SNTG1: variants seen among roughly 807,000 people sequenced by gnomAD.
SNTG1 encodes the protein gamma-1-syntrophin.
SNTG1 carries 39 observed loss-of-function variants against 74.7 expected under a neutral mutation model. The ratio of observed to expected loss-of-function variants is 0.52; its 90% CI spans 0.40 to 0.68. The LOEUF is 0.68. SNTG1 is among the 30% of genes least tolerant of loss of function. The pLI is 0.00. For missense variants in SNTG1, 685 were observed against 609.5 expected, an observed-to-expected ratio of 1.12 and a Z score of -1.30; for synonymous variants, 254 against 217.1, an observed-to-expected ratio of 1.17 and a Z score of -1.49.
intron 1 of SNTG1, among the ~76,000 whole-genome samples, chr8:49,948,126 G>C (rs552624296): frequency 6.6e-6 from 1 of 151,852 alleles, no homozygotes; most frequent in Admixed American, 6.6e-5. Context: ...GCATGACTCT[G>C]TCTCAAACAA....
intron 13 of SNTG1, among the ~76,000 whole-genome samples, chr8:50,648,077 C>T (rs1288092769): frequency 1.3e-5 from 2 of 152,132 alleles, no homozygotes; most frequent in South Asian, 2.1e-4. Flanking sequence ...GAAAAGAACT[C>T]CCTTTTCCTG....
At chr8:50,087,696 T>C (rs940784400) in intron 1 of SNTG1, among the ~76,000 whole-genome samples, 8 of 152,164 alleles carry the variant, frequency 5.3e-5, no homozygotes, top group Non-Finnish European at 1.0e-4. Context: ...TATTAACCTT[T>C]AAATGTAAAC....
rs118162603 is a variant in SNTG1, at chr8:50,644,846, A to G, written c.850-12063A>G. On this transcript the variant is annotated intron_variant, in intron 13 of 18. Transcript: ENST00000642720. ...CCAGGCCTCCTTGGCAAATAATTTTAACATTACTCTCTTGCCTTTTGTAGG... is the reference window on the plus strand; with the variant it reads ...CCAGGCCTCCTTGGCAAATAATTTTGACATTACTCTCTTGCCTTTTGTAGG... Among the ~76,000 whole-genome samples the G allele has an allele frequency of 1.4e-4, 22 of 151,932 alleles. 1 individual carries two copies. The East Asian group carries it at 4.1e-3, about 28-fold the overall frequency.
chr8:50,292,799 A>G (rs2089180609), intron 2 of SNTG1, among the ~76,000 whole-genome samples: 1 of 152,182 alleles, frequency 6.6e-6, no homozygotes, highest in Admixed American at 6.5e-5. Flanking sequence ...ATATTTAGTT[A>G]TCCATAACCT....
At chr8:50,712,091 A>T (rs1191574896) in intron 17 of SNTG1, among the ~76,000 whole-genome samples, 1 of 152,206 alleles carries the variant, frequency 6.6e-6, no homozygotes, top group Non-Finnish European at 1.5e-5. Context: ...ACACTCATTT[A>T]ATTTGTGAAT....
intron 15 of SNTG1, among the ~76,000 whole-genome samples, chr8:50,703,572 G>A (rs1012831561): frequency 2.0e-5 from 3 of 151,990 alleles, no homozygotes; most frequent in Admixed American, 2.0e-4. Flanking sequence ...AAAAATAGGA[G>A]TACAGTAAAT....
In SNTG1 at chr8:50,140,484, C is replaced by T. The variant is rs567464797; in HGVS notation, c.-102-32077C>T. On this transcript the variant is annotated intron_variant, in intron 1 of 18. Coordinates refer to ENST00000642720, the MANE Select transcript of SNTG1 (RefSeq NM_018967.5). The stretch of plus-strand genomic sequence containing the variant: ...GTGGGTGTAAGAGTGTGTGTGTTTG[C>T]GAGAATGTGTGTGTATTTTATGTGG... Among the ~76,000 whole-genome samples the T allele has an allele frequency of 9.9e-5, 15 of 151,642 alleles. 1 individual carries two copies. In the South Asian group the frequency reaches 1.5e-3, roughly 15 times the overall value.
chr8:50,142,884 C>T (rs1258676245), intron 1 of SNTG1, among the ~76,000 whole-genome samples: 2 of 151,884 alleles, frequency 1.3e-5, no homozygotes, highest in African/African-American at 2.4e-5. Context: ...CCAGCCTGGC[C>T]AACATAGTGA....
At chr8:50,423,806 T>C (rs1460722112) in intron 4 of SNTG1, among the ~76,000 whole-genome samples, 1 of 151,908 alleles carries the variant, frequency 6.6e-6, no homozygotes, top group Non-Finnish European at 1.5e-5. Flanking sequence ...GGCCAAAAAA[T>C]GTGATGAGAT....
At chr8:50,145,686 A>G (rs2081836515) in intron 1 of SNTG1, among the ~76,000 whole-genome samples, 1 of 152,182 alleles carries the variant, frequency 6.6e-6, no homozygotes, top group Non-Finnish European at 1.5e-5. Context: ...TTCTCACCCG[A>G]CAAAGTTTAG....
intron 1 of SNTG1, among the ~76,000 whole-genome samples, chr8:49,983,384 G>A (rs1208680624): frequency 2.0e-5 from 3 of 152,116 alleles, no homozygotes; most frequent in South Asian, 2.1e-4. Flanking sequence ...TGCTTTATGT[G>A]TATATATCAT....
intron 1 of SNTG1, among the ~76,000 whole-genome samples, chr8:50,074,983 G>A (rs1481091336): frequency 6.6e-6 from 1 of 152,210 alleles, no homozygotes; most frequent in African/African-American, 2.4e-5. Context: ...CTGGCCCCAG[G>A]CAGTGAGGGG....
At chr8:50,592,278 T>C (rs1157238245) in intron 13 of SNTG1, among the ~76,000 whole-genome samples, 2 of 152,214 alleles carry the variant, frequency 1.3e-5, no homozygotes, top group African/African-American at 4.8e-5. Context: ...ATCTACTGTT[T>C]TGTAAGTTCC....
intron 1 of SNTG1, among the ~76,000 whole-genome samples, chr8:50,026,717 G>A (rs1051936263): frequency 6.6e-6 from 1 of 151,916 alleles, no homozygotes; most frequent in African/African-American, 2.4e-5. Context: ...GTGTGTGTGT[G>A]TATCCTAAAA....
intron 5 of SNTG1, among the ~76,000 whole-genome samples, chr8:50,441,481 T>C (rs1384790261): frequency 1.3e-5 from 2 of 152,154 alleles, no homozygotes. Flanking sequence ...CTAGATATGA[T>C]GCAGACCACA....
chr8:50,764,893 G>A (rs1025604108), intron 18 of SNTG1, among the ~76,000 whole-genome samples: 8 of 151,878 alleles, frequency 5.3e-5, no homozygotes, highest in Non-Finnish European at 1.0e-4. Context: ...TCCATCAACT[G>A]ATAAATGGAT....
intron 5 of SNTG1, among the ~76,000 whole-genome samples, chr8:50,439,821 A>G (rs1405564574): frequency 6.6e-6 from 1 of 150,542 alleles, no homozygotes; most frequent in Non-Finnish European, 1.5e-5. Context: ...TCCAATAGTG[A>G]GAGCTGATTT....
intron 1 of SNTG1, among the ~76,000 whole-genome samples, chr8:50,150,125 A>G (rs966248198): frequency 6.6e-6 from 1 of 151,962 alleles, no homozygotes; most frequent in African/African-American, 2.4e-5. Flanking sequence ...TGTAAGTTGG[A>G]TTCCTAGGTA....
In SNTG1 at chr8:50,452,114, C is replaced by T. The variant is rs925769032; in HGVS notation, c.363+1385C>T. On this transcript the variant is annotated intron_variant, in intron 8 of 18. Coordinates refer to ENST00000642720, the MANE Select transcript of SNTG1 (RefSeq NM_018967.5). Reference sequence around the variant, plus strand: ...AGCCACGGCTGCACAAGAACCGAGACGAAGGAGGGTTTTTAATTAGGAACA... The same window carrying T: ...AGCCACGGCTGCACAAGAACCGAGATGAAGGAGGGTTTTTAATTAGGAACA... 1.3e-4 allele frequency among the ~76,000 whole-genome samples: 20 copies of T among 152,186 alleles called. No individual in the cohort carries two copies. In the East Asian group the frequency reaches 1.9e-3, roughly 15 times the overall value.
Sources: allele counts gnomAD v4.1 joint callset (sites outside exome capture counted in the v4.1 genomes callset), GRCh38; gene constraint gnomAD v4.1.1; transcripts MANE v1.5; gene names NCBI Gene and HGNC (gene_info 2026-07-23, HGNC 2026-07-21).